Variants in SOX5 observed in about 807,000 individuals in gnomAD.
The protein encoded by SOX5 is transcription factor SOX-5.
Under a neutral mutation model 92.0 loss-of-function variants are expected in SOX5, and 9 were observed. The ratio of observed to expected loss-of-function variants is 0.10; its 90% CI spans 0.06 to 0.17. The LOEUF (loss-of-function observed/expected upper bound fraction) is 0.17, where lower values mean the gene tolerates loss of function less well. Among genes scored for constraint, SOX5 ranks in the 10% least tolerant of loss-of-function variants. SOX5 has a pLI of 1.00. For missense variants in SOX5, 642 were observed against 944.5 expected (o/e 0.68, Z 4.20); for synonymous variants, 344 against 336.3 (o/e 1.02, Z -0.25).
intron 2 of SOX5, among the ~76,000 whole-genome samples, chr12:24,294,280 G>GTT (rs75673184): frequency 6.9e-6 from 1 of 145,040 alleles, no homozygotes; most frequent in East Asian, 2.0e-4. Flanking sequence ...TAACTCATGG[G>GTT]TTTTTTTTTT....
At chr12:24,423,292 A>G (rs1302806978) in intron 1 of SOX5, among the ~76,000 whole-genome samples, 1 of 152,200 alleles carries the variant, frequency 6.6e-6, no homozygotes, top group Non-Finnish European at 1.5e-5. Flanking sequence ...TTGATTCTGA[A>G]ATAAACTGAT....
At chr12:24,242,071 T>C (rs767494229) in intron 3 of SOX5, among the ~76,000 whole-genome samples, 77 of 152,320 alleles carry the variant, frequency 5.1e-4, no homozygotes, top group Admixed American at 2.0e-3. Flanking sequence ...GCTATTCAGC[T>C]GGCCATCGAA....
chr12:23,635,038 T>C (rs1349510082), intron 8 of SOX5, among the ~76,000 whole-genome samples: 1 of 152,206 alleles, frequency 6.6e-6, no homozygotes, highest in East Asian at 1.9e-4. Context: ...ATCTGGTAGA[T>C]GCTAGAAAGT....
chr12:23,575,332 A>T (rs899783063), intron 10 of SOX5, among the ~76,000 whole-genome samples: 1 of 152,240 alleles, frequency 6.6e-6, no homozygotes, highest in Non-Finnish European at 1.5e-5. Context: ...AATTTCAGTG[A>T]TGCAAAAAGT....
intron 4 of SOX5, chr12:24,212,413 A>G (rs1458924147): frequency 1.9e-6 from 1 of 533,364 alleles, no homozygotes; most frequent in Non-Finnish European, 3.9e-6. Flanking sequence ...AAACTGAAAA[A>G]GCCACTGGTA....
chr12:23,543,507 T>G (rs1942516509), intron 12 of SOX5, 123 bp from the exon 13 acceptor site: 1 of 684,830 alleles, frequency 1.5e-6, no homozygotes, highest in South Asian at 2.2e-5. Flanking sequence ...TAATGGTACT[T>G]CCAGTTCTTA....
intron 10 of SOX5, among the ~76,000 whole-genome samples, chr12:23,574,626 G>T (rs928906650): frequency 6.6e-6 from 1 of 151,968 alleles, no homozygotes. Context: ...GTAAACAATG[G>T]TTTCCTGAAT....
intron 4 of SOX5, among the ~76,000 whole-genome samples, chr12:24,072,019 A>G (rs759935100): frequency 2.0e-4 from 30 of 152,336 alleles, no homozygotes; most frequent in Admixed American, 5.9e-4. Context: ...ATAGCCAGAT[A>G]ATGTTGAAAC....
At chr12:24,292,483 C>A (rs1158810931) in intron 2 of SOX5, among the ~76,000 whole-genome samples, 3 of 152,126 alleles carry the variant, frequency 2.0e-5, no homozygotes, top group Non-Finnish European at 4.4e-5. Flanking sequence ...CACTTATGTA[C>A]CTGCTACAAA....
At chr12:24,004,843 A>C (rs1007039212) in intron 4 of SOX5, among the ~76,000 whole-genome samples, 4 of 151,896 alleles carry the variant, frequency 2.6e-5, no homozygotes, top group Non-Finnish European at 5.9e-5. Context: ...ACAATAGACC[A>C]AAAAAAATTG....
At chr12:23,782,667 G>A (rs1485857773) in intron 3 of SOX5, among the ~76,000 whole-genome samples, 3 of 152,098 alleles carry the variant, frequency 2.0e-5, no homozygotes, top group Non-Finnish European at 2.9e-5. Context: ...CTACTAACAC[G>A]CTTATCATGA....
chr12:24,185,843 G>T (rs1955962548), intron 4 of SOX5, among the ~76,000 whole-genome samples: 1 of 152,108 alleles, frequency 6.6e-6, no homozygotes, highest in Non-Finnish European at 1.5e-5. Context: ...TCCACACAGG[G>T]TCTGCAACAT....
At chr12:24,296,540 T>C (rs565062149) in intron 2 of SOX5, among the ~76,000 whole-genome samples, 2 of 152,350 alleles carry the variant, frequency 1.3e-5, no homozygotes, top group African/African-American at 4.8e-5. Flanking sequence ...TTGTCACTTA[T>C]AAGCATATGT....
intron 4 of SOX5, among the ~76,000 whole-genome samples, chr12:23,741,310 T>A (rs2093788436): frequency 6.6e-6 from 1 of 152,168 alleles, no homozygotes; most frequent in Admixed American, 6.5e-5. Flanking sequence ...ATTTTGAATG[T>A]TTTTACACTT....
chr12:24,075,277 TAAAAA>T (rs59967372), intron 4 of SOX5, among the ~76,000 whole-genome samples: 1 of 75,790 alleles, frequency 1.3e-5, no homozygotes, highest in Non-Finnish European at 2.3e-5. Context: ...CTCAAATTAT[TAAAAA>T]AAAAAAAAAA....
intron 4 of SOX5, among the ~76,000 whole-genome samples, chr12:23,751,063 T>G (rs2094165830): frequency 6.6e-6 from 1 of 151,926 alleles, no homozygotes; most frequent in African/African-American, 2.4e-5. Flanking sequence ...GTGAAAACAT[T>G]ACTCATAAGC....
At chr12:23,792,200 T>C (rs532801484) in intron 3 of SOX5, among the ~76,000 whole-genome samples, 32 of 152,046 alleles carry the variant, frequency 2.1e-4, no homozygotes, top group Non-Finnish European at 3.8e-4. Context: ...ATGTTAAGTA[T>C]AGGGAAGAGA....
intron 1 of SOX5, among the ~76,000 whole-genome samples, chr12:24,437,094 C>T (rs1021885928): frequency 7.2e-5 from 11 of 152,242 alleles, no homozygotes; most frequent in African/African-American, 9.6e-5. Context: ...GATGGAGATG[C>T]CAAAAGAGAT....
At chr12:23,909,815 C>G (rs1041836919) in intron 1 of SOX5, among the ~76,000 whole-genome samples, 1 of 142,724 alleles carries the variant, frequency 7.0e-6, no homozygotes, top group East Asian at 2.2e-4. Context: ...TTTTTAACCT[C>G]ATTACCACAT....
Sources: gnomAD v4.1 joint callset for allele counts (sites outside exome capture counted in the v4.1 genomes callset) on GRCh38, gnomAD v4.1.1 for gene constraint, MANE v1.5 for transcripts, NCBI Gene and HGNC (gene_info 2026-07-23, HGNC 2026-07-21) for gene names.